LARGE1: variants seen among roughly 807,000 people sequenced by gnomAD.
LARGE1 encodes the protein LARGE xylosyl- and glucuronyltransferase 1, also known as xylosyl- and glucuronyltransferase LARGE1.
A neutral mutation model predicts 87.6 loss-of-function variants in LARGE1; 43 were observed. The ratio of observed to expected loss-of-function variants is 0.49; its 90% CI spans 0.38 to 0.63. The LOEUF is 0.63. Ranked by LOEUF, LARGE1 falls within the 30% of genes least tolerant of loss-of-function variation. The pLI is 0.00. For missense variants in LARGE1, 802 were observed against 1,000.2 expected (o/e 0.80, Z 2.67); for synonymous variants, 434 against 394.6 (o/e 1.10, Z -1.18).
At chr22:33,541,464 G>T (rs1369864615) in intron 6 of LARGE1, among the ~76,000 whole-genome samples, 1 of 152,158 alleles carries the variant, frequency 6.6e-6, no homozygotes, top group African/African-American at 2.4e-5. Flanking sequence ...GCTGACTGTA[G>T]GTAGTAGAAA....
At chr22:33,592,271 AAT>A (rs1278109215) in intron 5 of LARGE1, among the ~76,000 whole-genome samples, 11 of 152,176 alleles carry the variant, frequency 7.2e-5, no homozygotes, top group Non-Finnish European at 1.5e-4. Flanking sequence ...GAGCAAGATT[AAT>A]TTTTTCCCAT....
At chr22:33,513,599 C>A (rs2071153504) in intron 6 of LARGE1, among the ~76,000 whole-genome samples, 2 of 152,066 alleles carry the variant, frequency 1.3e-5, no homozygotes, top group Admixed American at 1.3e-4. Flanking sequence ...AATACACAAG[C>A]AAAACAAACA....
At chr22:33,539,996 C>A (rs1440546843) in intron 6 of LARGE1, among the ~76,000 whole-genome samples, 4 of 152,106 alleles carry the variant, frequency 2.6e-5, no homozygotes, top group African/African-American at 9.7e-5. Flanking sequence ...TGTGGGGGCT[C>A]AGGTCCTTCA....
chr22:33,166,526 A>G (rs1440235290), exon 12 of LARGE1: 2 of 333,834 alleles, frequency 6.0e-6, no homozygotes, highest in Non-Finnish European at 1.2e-5. Context: ...GGGGATGTTC[A>G]CCTGGCATGT....
Position 33,881,349 on chromosome 22 carries a change from T to C in LARGE1, c.-83+38646A>G, listed in dbSNP as rs373616345. Reference sequence around the variant, plus strand: ...TCCCCCAGGCGAAGTCACCTCCAGCTCTCCAAATGAGCAGCTGGAGGACTC... The same window carrying C: ...TCCCCCAGGCGAAGTCACCTCCAGCCCTCCAAATGAGCAGCTGGAGGACTC... On this transcript the variant is annotated intron_variant, in intron 1 of 14. Coordinates refer to ENST00000397394, the MANE Select transcript of LARGE1 (RefSeq NM_133642.5). Among the ~76,000 whole-genome samples, 96 of 152,188 alleles carry C rather than the reference T, an allele frequency of 6.3e-4. No homozygotes were observed. In the East Asian group the frequency reaches 0.014, roughly 22 times the overall value.
chr22:33,764,258 C>A (rs1476424507), intron 1 of LARGE1, among the ~76,000 whole-genome samples: 1 of 152,104 alleles, frequency 6.6e-6, no homozygotes, highest in East Asian at 1.9e-4. Flanking sequence ...GTGATTTAAA[C>A]CTGAAGGATC....
At position 33,755,756 on chromosome 22, in the gene LARGE1, G is replaced by T. The variant is rs565619129; in HGVS notation, c.106+5615C>A. Among the ~76,000 whole-genome samples the T allele has an allele frequency of 1.5e-4, 23 of 152,270 alleles. No homozygotes were observed. The South Asian group carries it at 4.4e-3, about 29-fold the overall frequency. ...GGTTCCTGTGTCCCTCAATACCACA[G>T]TCCTACCCAGGGAACATTCACTAAG... is the stretch of plus-strand genomic sequence containing the variant. On this transcript the variant is annotated intron_variant, in intron 2 of 14. Coordinates refer to ENST00000397394, the MANE Select transcript of LARGE1 (RefSeq NM_133642.5).
At chr22:33,439,540 A>C (rs1318416656) in intron 6 of LARGE1, among the ~76,000 whole-genome samples, 1 of 151,862 alleles carries the variant, frequency 6.6e-6, no homozygotes, top group Admixed American at 6.6e-5. Flanking sequence ...CACCCTTAAC[A>C]TGCTGGTGCT....
chr22:33,863,088 C>T lies in LARGE1; in HGVS notation c.-83+56907G>A, dbSNP rs556179323. On this transcript the variant is annotated intron_variant, in intron 1 of 14. Transcript: ENST00000397394. ...ATACTGAGCCCAGCAGGGAACTCACCGTTCCCACTTCTCACACAGCACCGT... is the reference window on the plus strand; with the variant it reads ...ATACTGAGCCCAGCAGGGAACTCACTGTTCCCACTTCTCACACAGCACCGT... Among the ~76,000 whole-genome samples, 6 of 152,266 alleles carry T rather than the reference C, an allele frequency of 3.9e-5. No homozygotes were observed. The East Asian group carries it at 7.7e-4, about 20-fold the overall frequency.
At chr22:33,566,299 G>T (rs1294881505) in intron 5 of LARGE1, among the ~76,000 whole-genome samples, 1 of 152,124 alleles carries the variant, frequency 6.6e-6, no homozygotes, top group South Asian at 2.1e-4. Flanking sequence ...TGTGGATCAA[G>T]ATATAATTTC....
At chr22:33,738,689 T>C (rs2083752976) in intron 2 of LARGE1, among the ~76,000 whole-genome samples, 1 of 151,674 alleles carries the variant, frequency 6.6e-6, no homozygotes, top group Admixed American at 6.6e-5. Context: ...CTACTAAAAA[T>C]AAAAAATTAG....
intron 6 of LARGE1, among the ~76,000 whole-genome samples, chr22:33,490,329 T>C (rs2069778423): frequency 6.6e-6 from 1 of 152,192 alleles, no homozygotes; most frequent in Non-Finnish European, 1.5e-5. Flanking sequence ...TAAAGAGGAA[T>C]CCCTGTCATT....
chr22:33,915,046 G>GAGAGAC (rs72133258), intron 1 of LARGE1, among the ~76,000 whole-genome samples: 12,267 of 122,818 alleles, frequency 0.1, 656 homozygotes, highest in Non-Finnish European at 0.15. Flanking sequence ...CACACACAGA[G>GAGAGAC]AGAGAGAGAG....
downstream of LARGE1, among the ~76,000 whole-genome samples, chr22:33,160,002 A>C (rs1921971704): frequency 6.6e-6 from 1 of 152,156 alleles, no homozygotes; most frequent in African/African-American, 2.4e-5. Flanking sequence ...ATTTGCATAA[A>C]AGAAAGATAT....
At chr22:33,547,897 A>G (rs1156957917) in intron 6 of LARGE1, among the ~76,000 whole-genome samples, 1 of 150,020 alleles carries the variant, frequency 6.7e-6, no homozygotes, top group Non-Finnish European at 1.5e-5. Context: ...AACTCTCTGT[A>G]TTGTCTTCAT....
chr22:33,253,814 G>A (rs1356286760), intron 11 of LARGE1, among the ~76,000 whole-genome samples: 1 of 152,154 alleles, frequency 6.6e-6, no homozygotes, highest in Admixed American at 6.5e-5. Flanking sequence ...GCAGGGCCTG[G>A]CTGGCATACT....
At chr22:33,189,496 C>A (rs1002864667) in intron 11 of LARGE1, among the ~76,000 whole-genome samples, 1 of 152,130 alleles carries the variant, frequency 6.6e-6, no homozygotes, top group Non-Finnish European at 1.5e-5. Flanking sequence ...CACACACTCA[C>A]GATACTCACT....
intron 2 of LARGE1, among the ~76,000 whole-genome samples, chr22:33,677,808 C>T (rs552398670): frequency 5.9e-5 from 9 of 152,258 alleles, no homozygotes; most frequent in South Asian, 4.1e-4. Flanking sequence ...TCTTGAGACC[C>T]GATTAGTCAC....
the LARGE1 span, among the ~76,000 whole-genome samples, chr22:33,153,745 C>T: frequency 6.6e-6 from 1 of 152,160 alleles, no homozygotes; most frequent in Non-Finnish European, 1.5e-5. Context: ...CCACTATATC[C>T]TTGAGCTTTA....
Sources: allele counts gnomAD v4.1 joint callset (sites outside exome capture counted in the v4.1 genomes callset), GRCh38; gene constraint gnomAD v4.1.1; transcripts MANE v1.5; gene names NCBI Gene and HGNC (gene_info 2026-07-23, HGNC 2026-07-21).